CHCHD3: variants seen among roughly 807,000 people sequenced by gnomAD.
CHCHD3 encodes coiled-coil-helix-coiled-coil-helix domain containing 3, also known as MICOS complex subunit MIC19.
In CHCHD3, 20 loss-of-function variants were observed where a neutral mutation model predicts 38.2. The observed-to-expected ratio is 0.52, with a 90% CI of 0.37 to 0.76. The LOEUF is 0.76. Among genes scored for constraint, CHCHD3 ranks in the 30% least tolerant of loss-of-function variants. The probability of loss-of-function intolerance (pLI) is 0.00; values close to 1 mark genes in which losing one functional copy is unlikely to be tolerated. For missense variants in CHCHD3, 245 were observed against 279.2 expected, an observed-to-expected ratio of 0.88 and a Z score of 0.87; for synonymous variants, 82 against 100.0, an observed-to-expected ratio of 0.82 and a Z score of 1.07.
At chr7:133,006,462 G>A (rs887134546) in intron 3 of CHCHD3, among the ~76,000 whole-genome samples, 17 of 147,386 alleles carry the variant, frequency 1.2e-4, no homozygotes, top group Non-Finnish European at 1.6e-4. Context: ...GCAAGACTCC[G>A]TCTCATAAAT....
chr7:132,915,183 A>T (rs2117226966), intron 4 of CHCHD3, among the ~76,000 whole-genome samples: 1 of 152,048 alleles, frequency 6.6e-6, no homozygotes, highest in African/African-American at 2.4e-5. Context: ...CTGCAATCCT[A>T]TTTACCTCAA....
At chr7:132,979,170 AT>A (rs943342692) in intron 3 of CHCHD3, among the ~76,000 whole-genome samples, 54 of 152,332 alleles carry the variant, frequency 3.5e-4, no homozygotes, top group African/African-American at 1.3e-3. Context: ...TAAACATATT[AT>A]TCCTCATTCC....
At chr7:133,068,733 G>C (rs1027215607) in intron 2 of CHCHD3, among the ~76,000 whole-genome samples, 2 of 152,146 alleles carry the variant, frequency 1.3e-5, no homozygotes, top group African/African-American at 4.8e-5. Context: ...GAGTTGACAA[G>C]ACTAGCTAAC....
intron 4 of CHCHD3, among the ~76,000 whole-genome samples, chr7:132,927,125 C>T (rs992035400): frequency 2.0e-5 from 3 of 152,188 alleles, no homozygotes; most frequent in African/African-American, 7.2e-5. Flanking sequence ...ATTAGACCCA[C>T]AAACAGTTAA....
intron 3 of CHCHD3, among the ~76,000 whole-genome samples, chr7:132,980,983 T>G (rs1811903092): frequency 6.6e-6 from 1 of 152,080 alleles, no homozygotes; most frequent in Admixed American, 6.5e-5. Flanking sequence ...TAGCTCTAGT[T>G]TTTTTGTTTT....
rs576685596 is a variant in CHCHD3 at position 132,897,858 on chromosome 7, C to T, written c.370-12113G>A. 9.2e-5 allele frequency among the ~76,000 whole-genome samples: 14 copies of T among 152,236 alleles called. No individual in the cohort carries two copies. In the South Asian group the frequency reaches 2.9e-3, roughly 32 times the overall value. On this transcript the variant is annotated intron_variant, in intron 4 of 7. Transcript: ENST00000262570. ...GGTGGGTTCTTGGTCTCACTGACTT[C>T]AAGAATGAAGCCGCGGACCCTCGCA...
chr7:132,952,650 T>C (rs907910334), intron 4 of CHCHD3, among the ~76,000 whole-genome samples: 3 of 152,230 alleles, frequency 2.0e-5, no homozygotes, highest in Non-Finnish European at 2.9e-5. Context: ...ATAGGCCATA[T>C]AGAGTTAGCT....
intron 4 of CHCHD3, among the ~76,000 whole-genome samples, chr7:132,897,393 GT>G (rs2117195105): frequency 6.6e-6 from 1 of 152,152 alleles, no homozygotes; most frequent in Non-Finnish European, 1.5e-5. Flanking sequence ...TAGACTTAAT[GT>G]TCACACTATT....
intron 3 of CHCHD3, among the ~76,000 whole-genome samples, chr7:132,986,424 GAAAA>G (rs59151340): frequency 1.1e-4 from 15 of 131,270 alleles, no homozygotes; most frequent in African/African-American, 3.9e-4. Flanking sequence ...AAAGAAAAAA[GAAAA>G]AAAAAAAAAA....
chr7:132,810,047 T>A (rs957311553), intron 6 of CHCHD3, among the ~76,000 whole-genome samples: 1 of 152,156 alleles, frequency 6.6e-6, no homozygotes, highest in Non-Finnish European at 1.5e-5. Flanking sequence ...AATGGATATG[T>A]TTAAGGTAAC....
At chr7:132,940,043 A>C (rs1261490920) in intron 4 of CHCHD3, among the ~76,000 whole-genome samples, 1 of 152,166 alleles carries the variant, frequency 6.6e-6, no homozygotes, top group Non-Finnish European at 1.5e-5. Context: ...AACATAATAC[A>C]TTTGTCACTC....
intron 2 of CHCHD3, among the ~76,000 whole-genome samples, chr7:133,047,485 G>A (rs944724485): frequency 6.6e-6 from 1 of 152,128 alleles, no homozygotes; most frequent in Non-Finnish European, 1.5e-5. Flanking sequence ...GAGCAAAAAC[G>A]AGTCTCATGA....
intron 1 of CHCHD3, among the ~76,000 whole-genome samples, chr7:133,081,211 G>A (rs1815161307): frequency 1.3e-5 from 2 of 152,310 alleles, no homozygotes; most frequent in South Asian, 4.1e-4. Context: ...CACTAGTCCT[G>A]AAGCAACTGG....
chr7:132,994,879 A>G (rs1217060495), intron 3 of CHCHD3, among the ~76,000 whole-genome samples: 1 of 152,228 alleles, frequency 6.6e-6, no homozygotes, highest in Non-Finnish European at 1.5e-5. Context: ...CAGAGAGACC[A>G]ACAGACAACA....
intron 4 of CHCHD3, 122 bp downstream of exon 4, chr7:132,975,047 G>T: frequency 1.3e-6 from 1 of 790,376 alleles, no homozygotes. Context: ...ATCAAAATCT[G>T]AGCAAAGAGA....
chr7:132,903,251 T>C (rs1277047262), intron 4 of CHCHD3, among the ~76,000 whole-genome samples: 1 of 152,248 alleles, frequency 6.6e-6, no homozygotes, highest in Non-Finnish European at 1.5e-5. Flanking sequence ...TTACTTATAA[T>C]GCCTAATACA....
chr7:132,866,009 G>A (rs1030283498), intron 5 of CHCHD3, among the ~76,000 whole-genome samples: 10 of 152,070 alleles, frequency 6.6e-5, no homozygotes, highest in South Asian at 2.1e-4. Flanking sequence ...AGTTGATCAC[G>A]ACCCCTCATT....
intron 7 of CHCHD3, among the ~76,000 whole-genome samples, chr7:132,791,650 A>C (rs10259095): frequency 1.3e-5 from 2 of 152,308 alleles, no homozygotes; most frequent in Admixed American, 6.5e-5. Flanking sequence ...ATATAAATAC[A>C]GTTCACCGGG....
intron 4 of CHCHD3, among the ~76,000 whole-genome samples, chr7:132,969,253 C>T (rs1460515197): frequency 6.6e-6 from 1 of 151,426 alleles, no homozygotes; most frequent in Non-Finnish European, 1.5e-5. Context: ...ACCTTCCCCA[C>T]AAACCTGACA....
Sources: gnomAD v4.1 joint callset for allele counts (sites outside exome capture counted in the v4.1 genomes callset) on GRCh38, gnomAD v4.1.1 for gene constraint, MANE v1.5 for transcripts, NCBI Gene and HGNC (gene_info 2026-07-23, HGNC 2026-07-21) for gene names.